The following SNX32 variants were observed in gnomAD, a reference collection of about 807,000 sequenced individuals.
SNX32 encodes the protein sorting nexin-32.
In SNX32, 58 loss-of-function variants were observed where a neutral mutation model predicts 57.0. The observed-to-expected ratio is 1.02, with a 90% CI of 0.82 to 1.27. SNX32 has a LOEUF of 1.27. Among genes scored for constraint, SNX32 ranks in the 50% most tolerant of loss-of-function variants. SNX32 has a pLI of 0.00. For missense variants in SNX32, 589 were observed against 541.2 expected (o/e 1.09, Z -0.88); for synonymous variants, 262 against 220.4 (o/e 1.19, Z -1.67).
intron 1 of SNX32, among the ~76,000 whole-genome samples, chr11:65,848,433 G>A (rs1859062182): frequency 6.6e-6 from 1 of 151,676 alleles, no homozygotes; most frequent in African/African-American, 2.4e-5. Flanking sequence ...AGCTTGGCAT[G>A]GTGGTACATG....
Position 65,833,999 on chromosome 11 carries a change from G to A in SNX32, c.-67G>A, listed in dbSNP as rs1591019281. ...GCATCCTCACTCGGTCAGTTCCTCG[G>A]GCGAGTTACGGGGACGACCTGCGGG... is the stretch of plus-strand genomic sequence containing the variant. On this transcript the variant is annotated 5_prime_UTR_variant, in exon 1 of 13. Transcript: ENST00000308342. 1 of 1,530,486 alleles carries A rather than the reference G, an allele frequency of 6.5e-7. No individual in the cohort carries two copies. The highest frequency in any genetic ancestry group is 8.8e-7 in the Non-Finnish European group (1 of 1,131,026). 94.8% of individuals were successfully genotyped at this position (1,530,486 alleles called of 1,614,324 possible).
At chr11:65,845,019 C>T (rs1013548470) in intron 1 of SNX32, among the ~76,000 whole-genome samples, 2 of 149,172 alleles carry the variant, frequency 1.3e-5, no homozygotes, top group Non-Finnish European at 1.5e-5. Context: ...TCATGGAAGC[C>T]AGACATGGTG....
chr11:65,844,058 AC>A (rs1190590319), intron 1 of SNX32, among the ~76,000 whole-genome samples: 1 of 152,184 alleles, frequency 6.6e-6, no homozygotes, highest in Non-Finnish European at 1.5e-5. Flanking sequence ...AAAAAGACTA[AC>A]AATTCTGAGC....
rs770151700 is a variant in SNX32 at position 65,851,115 on chromosome 11, C to T, written c.664C>T (p.Arg222Ter). 7 of 1,613,634 alleles carry T rather than the reference C, an allele frequency of 4.3e-6. No individual in the cohort carries two copies. Among genetic ancestry groups the T allele is most frequent in the Middle Eastern group, 1.6e-4 (1 of 6,084 alleles). The change falls in exon 7 of 13, where the codon CGA becomes TGA. Residue 222 changes from arginine (R) to a stop codon, truncating the protein, a stop_gained. Transcript: ENST00000308342. LOFTEE classifies it high-confidence loss of function. The part of the protein sequence containing the change: ...TFLLEYHTRI[R>*]DACLRADRVM... ...CCTGTTGGAGTATCACACCCGTATC[C>T]GAGATGCCTGCCTGCGGGCCGACCG...
chr11:65,843,425 C>T (rs1045766632), intron 1 of SNX32, among the ~76,000 whole-genome samples: 32 of 151,374 alleles, frequency 2.1e-4, no homozygotes, highest in Non-Finnish European at 4.1e-4. Context: ...AGAAATTAGC[C>T]AGGCGTTGTG....
chr11:65,851,993 A>C (rs564812503), intron 9 of SNX32, among the ~76,000 whole-genome samples: 69 of 152,226 alleles, frequency 4.5e-4, no homozygotes, highest in African/African-American at 1.5e-3. Flanking sequence ...GCCCGGGCAC[A>C]CATGTTCCCC....
chr11:65,843,398 A>G (rs1239778809), intron 1 of SNX32, among the ~76,000 whole-genome samples: 1 of 151,664 alleles, frequency 6.6e-6, no homozygotes, highest in Non-Finnish European at 1.5e-5. Context: ...GTGAAACCCC[A>G]TCTCTACTAA....
intron 1 of SNX32, among the ~76,000 whole-genome samples, chr11:65,838,915 A>G (rs1229941133): frequency 2.6e-5 from 4 of 152,126 alleles, no homozygotes; most frequent in Non-Finnish European, 5.9e-5. Context: ...TTTTAAATTT[A>G]TGATTACAAA....
intron 1 of SNX32, among the ~76,000 whole-genome samples, chr11:65,843,169 C>T (rs1276017692): frequency 6.2e-5 from 9 of 145,686 alleles, no homozygotes; most frequent in South Asian, 4.3e-4. Context: ...TGCAGTGAGC[C>T]GAGATTGCGC....
intron 1 of SNX32, among the ~76,000 whole-genome samples, chr11:65,841,959 T>G (rs1009385271): frequency 8.5e-5 from 13 of 152,166 alleles, no homozygotes; most frequent in Non-Finnish European, 1.5e-4. Flanking sequence ...CCAAGATTGA[T>G]CTATATATTT....
intron 1 of SNX32, among the ~76,000 whole-genome samples, chr11:65,840,445 A>G (rs1311782100): frequency 1.3e-5 from 2 of 152,164 alleles, no homozygotes; most frequent in Admixed American, 6.6e-5. Context: ...ATAAAGGTAT[A>G]AAGGTTGGAA....
chr11:65,847,753 T>A (rs929664956), intron 1 of SNX32, among the ~76,000 whole-genome samples: 1 of 151,900 alleles, frequency 6.6e-6, no homozygotes, highest in African/African-American at 2.4e-5. Flanking sequence ...CTACTAAAAA[T>A]ACAAAAATTA....
intron 1 of SNX32, among the ~76,000 whole-genome samples, chr11:65,845,696 C>T (rs1254313991): frequency 6.6e-6 from 1 of 152,010 alleles, no homozygotes; most frequent in East Asian, 1.9e-4. Context: ...GAGATCTTGC[C>T]ATTACACTCC....
intron 1 of SNX32, among the ~76,000 whole-genome samples, chr11:65,846,977 C>G (rs1209527326): frequency 6.7e-6 from 1 of 149,540 alleles, no homozygotes; most frequent in Non-Finnish European, 1.5e-5. Context: ...GAGTGAAACT[C>G]CATTTCAAAA....
Position 65,853,395 on chromosome 11 carries a change from C to A in SNX32, c.*60C>A, listed in dbSNP as rs1444239875. 20 of 1,534,338 alleles carry A rather than the reference C, an allele frequency of 1.3e-5. No individual in the cohort carries two copies. The highest frequency in any genetic ancestry group is 1.7e-5 in the Non-Finnish European group (19 of 1,108,796). On this transcript the variant is annotated 3_prime_UTR_variant, in exon 13 of 13. Transcript: ENST00000308342. ...TCTCCAGTGACCAGGGTATCCCAGA[C>A]CCCTCTCTCCGGCAAGATGTCTCCT...
intron 5 of SNX32, 89 bp from the exon 6 acceptor site, chr11:65,850,662 C>T (rs1859152126): frequency 6.4e-7 from 1 of 1,570,570 alleles, no homozygotes; most frequent in Admixed American, 1.9e-5. Context: ...TGGGCCCAAT[C>T]CTGTGTCACA....
At chr11:65,838,672 T>G (rs1236435527) in intron 1 of SNX32, among the ~76,000 whole-genome samples, 1 of 152,164 alleles carries the variant, frequency 6.6e-6, no homozygotes, top group East Asian at 1.9e-4. Context: ...CTGCAGAAAA[T>G]ACATTATTTC....
chr11:65,851,726 A>G (rs745542607), intron 9 of SNX32, 47 bp downstream of exon 9: 5 of 1,595,096 alleles, frequency 3.1e-6, no homozygotes, highest in Non-Finnish European at 4.3e-6. Context: ...TGAGCTTTGC[A>G]GGGAAGATGA....
chr11:65,851,325 C>A lies in SNX32; in HGVS notation c.710-3C>A, dbSNP rs369119721. ...GGCTCTGATGGGGGCTGTTCCCCAA[C>A]AGGCCTGGCAGACGATTATATCCCT... On this transcript the variant is annotated splice_polypyrimidine_tract_variant and splice_region_variant and intron_variant, in intron 7 of 12. Coordinates refer to ENST00000308342, the MANE Select transcript of SNX32 (RefSeq NM_152760.3). The A allele has an allele frequency of 1.7e-5, 28 of 1,613,990 alleles. No homozygotes were observed. In the African/African-American group the frequency reaches 2.7e-4, roughly 15 times the overall value.
Sources: gnomAD v4.1 joint callset for allele counts (sites outside exome capture counted in the v4.1 genomes callset) on GRCh38, gnomAD v4.1.1 for gene constraint, MANE v1.5 for transcripts, NCBI Gene and HGNC (gene_info 2026-07-23, HGNC 2026-07-21) for gene names.